The following ROBO1 variants were observed in gnomAD, a reference collection of about 807,000 sequenced individuals.
The protein encoded by ROBO1 is roundabout homolog 1.
A neutral mutation model predicts 195.9 loss-of-function variants in ROBO1; 149 were observed. That is an observed-to-expected ratio of 0.76 (90% confidence interval 0.67 to 0.87). The LOEUF (loss-of-function observed/expected upper bound fraction) is 0.87. Among genes scored for constraint, ROBO1 ranks in the 40% least tolerant of loss-of-function variants. The probability of loss-of-function intolerance (pLI) is 0.00; values close to 1 mark genes in which losing one functional copy is unlikely to be tolerated. For synonymous variants in ROBO1, 816 were observed against 733.2 expected, an observed-to-expected ratio of 1.11 and a Z score of -1.82; for missense variants, 1,933 against 2,068.3, an observed-to-expected ratio of 0.93 and a Z score of 1.27.
intron 2 of ROBO1, among the ~76,000 whole-genome samples, chr3:79,467,428 A>G (rs1207962167): frequency 2.0e-5 from 3 of 151,424 alleles, no homozygotes; most frequent in Non-Finnish European, 4.4e-5. Context: ...CCCCTCTCCC[A>G]TACCCACATA....
chr3:78,685,579 G>T (rs2081033123), intron 10 of ROBO1, among the ~76,000 whole-genome samples, 167 bp downstream of exon 10: 1 of 151,986 alleles, frequency 6.6e-6, no homozygotes, highest in South Asian at 2.1e-4. Context: ...AATACATTTA[G>T]GTTAAAATAA....
chr3:79,643,929 C>T (rs532438032), intron 1 of ROBO1, among the ~76,000 whole-genome samples: 16 of 152,134 alleles, frequency 1.1e-4, no homozygotes, highest in East Asian at 3.9e-4. Context: ...AGAAACAACA[C>T]GCAAGTTTAC....
chr3:79,333,557 A>G (rs773514383), intron 2 of ROBO1, among the ~76,000 whole-genome samples: 1 of 152,088 alleles, frequency 6.6e-6, no homozygotes, highest in Non-Finnish European at 1.5e-5. Flanking sequence ...AAGATTCCTC[A>G]AGATCTGAAT....
chr3:79,632,863 T>C (rs1945384513), intron 1 of ROBO1, among the ~76,000 whole-genome samples: 1 of 151,644 alleles, frequency 6.6e-6, no homozygotes, highest in African/African-American at 2.4e-5. Context: ...AGAGAAAATA[T>C]TCCAAAAAAG....
intron 26 of ROBO1, among the ~76,000 whole-genome samples, chr3:78,623,724 C>T (rs183352626): frequency 9.3e-4 from 142 of 152,166 alleles, no homozygotes; most frequent in African/African-American, 3.3e-3. Context: ...AAACGGCTGT[C>T]GGAACTAGGA....
intron 26 of ROBO1, among the ~76,000 whole-genome samples, chr3:78,622,266 T>A (rs908553620): frequency 3.3e-5 from 5 of 152,180 alleles, no homozygotes; most frequent in Non-Finnish European, 7.4e-5. Context: ...TCTTTAATGT[T>A]TATATAATTC....
rs59912706 is a variant in ROBO1 at position 78,885,412 on chromosome 3, T to TAAAAAAA, written c.499+53182_499+53188dup. Among the ~76,000 whole-genome samples the TAAAAAAA allele has an allele frequency of 4.5e-3, 243 of 53,694 alleles. 8 individuals are homozygous for TAAAAAAA. Among genetic ancestry groups the TAAAAAAA allele is most frequent in the Middle Eastern group, 0.056 (2 of 36 alleles). The allele number at this position is 53,694 out of a possible 152,430, so 35.2% of individuals were successfully genotyped here. Reference sequence around the variant, plus strand: ...GCACTTGTAACCCTGAATTTAAAACTAAAAAAAAAAAAAAAAAAAAAAAAA... The same window carrying TAAAAAAA: ...GCACTTGTAACCCTGAATTTAAAACTAAAAAAAAAAAAAAAAAAAAAAAAAAAAAAAA... On this transcript the variant is annotated intron_variant, in intron 4 of 30. Transcript: ENST00000464233.
intron 4 of ROBO1, among the ~76,000 whole-genome samples, chr3:78,829,165 A>C (rs529701844): frequency 2.6e-5 from 4 of 152,256 alleles, no homozygotes; most frequent in South Asian, 2.1e-4. Context: ...TAGGATAATA[A>C]ATTTGTAATT....
chr3:78,895,963 T>A (rs945748732), intron 4 of ROBO1, among the ~76,000 whole-genome samples: 1 of 152,184 alleles, frequency 6.6e-6, no homozygotes, highest in African/African-American at 2.4e-5. Flanking sequence ...AGAACGGGTG[T>A]TTAATTAATC....
At position 78,897,387 on chromosome 3, in the gene ROBO1, G is replaced by C. The variant is rs1219873884; in HGVS notation, c.499+41214C>G. 2.0e-5 allele frequency among the ~76,000 whole-genome samples: 3 copies of C among 152,170 alleles called. No homozygotes were observed. In the South Asian group the frequency reaches 6.2e-4, roughly 32 times the overall value. On this transcript the variant is annotated intron_variant, in intron 4 of 30. Coordinates refer to ENST00000464233, the MANE Select transcript of ROBO1 (RefSeq NM_002941.4). ...CACATCAAAAGCAATTTCCAGGCAGGTAGCATGTTTAGAAGTCAGGACTTG... is the reference window on the plus strand; with the variant it reads ...CACATCAAAAGCAATTTCCAGGCAGCTAGCATGTTTAGAAGTCAGGACTTG...
At chr3:79,255,552 G>A (rs2082817256) in intron 2 of ROBO1, among the ~76,000 whole-genome samples, 1 of 152,126 alleles carries the variant, frequency 6.6e-6, no homozygotes, top group Non-Finnish European at 1.5e-5. Flanking sequence ...TGTTGGTAAA[G>A]TAGTACCGAT....
chr3:78,757,067 C>G (rs1576099613), intron 4 of ROBO1, among the ~76,000 whole-genome samples: 1 of 151,842 alleles, frequency 6.6e-6, no homozygotes, highest in Non-Finnish European at 1.5e-5. Context: ...AATTTTTGTA[C>G]TTTTAGTAGA....
chr3:79,461,781 C>A (rs558164189), intron 2 of ROBO1, among the ~76,000 whole-genome samples: 1 of 152,220 alleles, frequency 6.6e-6, no homozygotes, highest in Non-Finnish European at 1.5e-5. Context: ...CTAATACTGG[C>A]ACTTCTCTAT....
chr3:79,490,742 A>C (rs879718854), intron 2 of ROBO1, among the ~76,000 whole-genome samples: 1 of 152,106 alleles, frequency 6.6e-6, no homozygotes, highest in Non-Finnish European at 1.5e-5. Context: ...GCGGTCAAGG[A>C]CTCAAGCCCC....
chr3:79,048,685 C>T (rs1312450312), intron 3 of ROBO1, among the ~76,000 whole-genome samples: 1 of 152,126 alleles, frequency 6.6e-6, no homozygotes, highest in Non-Finnish European at 1.5e-5. Flanking sequence ...TCTATTGTCA[C>T]ACTATGATGA....
rs552642175 is a variant in ROBO1, at chr3:79,317,403, G to A, written c.89-191864C>T. ...AGTAATCTCTTTGCTCACTACGCCA[G>A]CTTCCATATCTCCATATTTTATTAA... On this transcript the variant is annotated intron_variant, in intron 2 of 30. Coordinates refer to ENST00000464233, the MANE Select transcript of ROBO1 (RefSeq NM_002941.4). Among the ~76,000 whole-genome samples the A allele has an allele frequency of 6.6e-5, 10 of 151,906 alleles. No individual in the cohort carries two copies. In the South Asian group the frequency reaches 2.1e-3, roughly 32 times the overall value.
intron 3 of ROBO1, among the ~76,000 whole-genome samples, chr3:79,116,870 G>A (rs2080013850): frequency 6.6e-6 from 1 of 152,122 alleles, no homozygotes. Context: ...TAAATGCCAT[G>A]TAAATGGTTG....
chr3:79,636,129 G>A (rs1177884655), intron 1 of ROBO1, among the ~76,000 whole-genome samples: 1 of 152,106 alleles, frequency 6.6e-6, no homozygotes, highest in African/African-American at 2.4e-5. Context: ...CTATAATTAA[G>A]TGTGGGGGAG....
chr3:78,656,979 GC>G, intron 18 of ROBO1, 118 bp downstream of exon 18: 1 of 915,576 alleles, frequency 1.1e-6, no homozygotes, highest in East Asian at 2.7e-5. Flanking sequence ...GTAGCTCTAA[GC>G]CATATTCCAT....
Sources: gnomAD v4.1 joint callset for allele counts (sites outside exome capture counted in the v4.1 genomes callset) on GRCh38, gnomAD v4.1.1 for gene constraint, MANE v1.5 for transcripts, NCBI Gene and HGNC (gene_info 2026-07-23, HGNC 2026-07-21) for gene names.